PDE4B: variants seen among roughly 807,000 people sequenced by gnomAD.
The protein encoded by PDE4B is 3',5'-cyclic-AMP phosphodiesterase 4B.
A neutral mutation model predicts 82.2 loss-of-function variants in PDE4B; 20 were observed. That is an observed-to-expected ratio of 0.24 (90% CI 0.17 to 0.35). The LOEUF is 0.35. PDE4B is among the 10% of genes least tolerant of loss of function. The pLI is 1.00. For synonymous variants in PDE4B, 320 were observed against 318.9 expected (o/e 1.00, Z -0.04); for missense variants, 655 against 907.2 (o/e 0.72, Z 3.57).
intron 3 of PDE4B, among the ~76,000 whole-genome samples, chr1:66,170,093 A>G (rs1281816848): frequency 6.6e-6 from 1 of 152,206 alleles, no homozygotes; most frequent in Non-Finnish European, 1.5e-5. Flanking sequence ...AGATAATGAA[A>G]ATGAACTAAG....
intron 1 of PDE4B, among the ~76,000 whole-genome samples, chr1:65,887,293 C>T (rs1391382408): frequency 1.8e-4 from 19 of 102,982 alleles, no homozygotes; most frequent in African/African-American, 6.8e-4. Flanking sequence ...TTCTTTCTCT[C>T]TCTCTCTTTC....
chr1:65,868,949 T>C (rs1311009737), intron 1 of PDE4B, among the ~76,000 whole-genome samples: 1 of 152,042 alleles, frequency 6.6e-6, no homozygotes, highest in Admixed American at 6.6e-5. Flanking sequence ...TGTGGAAAAA[T>C]TGTCTTCCAC....
chr1:66,303,662 A>G (rs1658066167), intron 7 of PDE4B, among the ~76,000 whole-genome samples: 1 of 152,108 alleles, frequency 6.6e-6, no homozygotes, highest in South Asian at 2.1e-4. Flanking sequence ...ATTTGCATAA[A>G]ATGTTAGATC....
intron 3 of PDE4B, among the ~76,000 whole-genome samples, chr1:65,968,252 G>T (rs1649952931): frequency 6.6e-6 from 1 of 152,116 alleles, no homozygotes; most frequent in Admixed American, 6.6e-5. Flanking sequence ...GATTGGACTA[G>T]ATTAACTCTA....
chr1:66,362,075 C>T (rs757815658), intron 10 of PDE4B, among the ~76,000 whole-genome samples: 19 of 151,934 alleles, frequency 1.3e-4, no homozygotes, highest in Non-Finnish European at 2.5e-4. Context: ...GATGGAAGAT[C>T]CTTTTTCCAT....
chr1:66,323,355 T>G (rs1014729874), intron 7 of PDE4B, among the ~76,000 whole-genome samples: 2 of 152,200 alleles, frequency 1.3e-5, no homozygotes, highest in African/African-American at 4.8e-5. Flanking sequence ...TTTTCAGATT[T>G]TGGGTCCCTG....
At chr1:65,940,461 T>A (rs1428995100) in intron 3 of PDE4B, among the ~76,000 whole-genome samples, 3 of 152,148 alleles carry the variant, frequency 2.0e-5, no homozygotes, top group Non-Finnish European at 2.9e-5. Flanking sequence ...TTATTTGACT[T>A]TAAAAAAATA....
At chr1:65,964,114 GA>G (rs1649690728) in intron 3 of PDE4B, among the ~76,000 whole-genome samples, 1 of 151,946 alleles carries the variant, frequency 6.6e-6, no homozygotes, top group Non-Finnish European at 1.5e-5. Flanking sequence ...CTTACACTGA[GA>G]AAAAAATTTA....
intron 9 of PDE4B, among the ~76,000 whole-genome samples, chr1:66,357,166 G>A (rs949671946): frequency 1.1e-4 from 17 of 152,124 alleles, no homozygotes; most frequent in African/African-American, 2.7e-4. Flanking sequence ...TTTAAAATAC[G>A]AGGGCTTGAA....
chr1:66,167,621 A>G (rs562663469), intron 3 of PDE4B, among the ~76,000 whole-genome samples: 3 of 152,344 alleles, frequency 2.0e-5, no homozygotes, highest in African/African-American at 7.2e-5. Flanking sequence ...ACAGCATATG[A>G]ATTGTATCTT....
chr1:66,159,304 G>T (rs923432423), intron 3 of PDE4B, among the ~76,000 whole-genome samples: 2 of 150,994 alleles, frequency 1.3e-5, no homozygotes, highest in Non-Finnish European at 2.9e-5. Flanking sequence ...GTGTAGTGGC[G>T]CATTCTTGGC....
At chr1:66,052,479 C>T (rs115436833) in intron 3 of PDE4B, among the ~76,000 whole-genome samples, 1 of 151,828 alleles carries the variant, frequency 6.6e-6, no homozygotes, top group South Asian at 2.1e-4. Flanking sequence ...GCTAAGAGGA[C>T]TCTTTCAAGG....
chr1:65,881,713 T>A (rs527263549), intron 1 of PDE4B, among the ~76,000 whole-genome samples: 1 of 152,334 alleles, frequency 6.6e-6, no homozygotes, highest in South Asian at 2.1e-4. Context: ...TATACTCTTA[T>A]GCTAATCTGT....
At chr1:65,901,201 T>C (rs1557806962) in intron 1 of PDE4B, among the ~76,000 whole-genome samples, 1 of 152,108 alleles carries the variant, frequency 6.6e-6, no homozygotes, top group Non-Finnish European at 1.5e-5. Flanking sequence ...TTCTGCATCA[T>C]TGAAATGATT....
chr1:66,055,286 C>A lies in PDE4B; in HGVS notation c.281+136451C>A, dbSNP rs140511156. Among the ~76,000 whole-genome samples the A allele has an allele frequency of 5.7e-3, 874 of 152,280 alleles. 9 individuals are homozygous for A. The highest frequency in any genetic ancestry group is 9.8e-3 in the Non-Finnish European group (664 of 68,022). On this transcript the variant is annotated intron_variant, in intron 3 of 16. Transcript: ENST00000341517. ...CTTTGCATTGTAAAGAGCATGTTTGCGTAACGCTTATCAGGTGAGTTACTT... is the reference window on the plus strand; with the variant it reads ...CTTTGCATTGTAAAGAGCATGTTTGAGTAACGCTTATCAGGTGAGTTACTT...
At chr1:66,003,655 A>G (rs1168072963) in intron 3 of PDE4B, among the ~76,000 whole-genome samples, 1 of 152,190 alleles carries the variant, frequency 6.6e-6, no homozygotes, top group Non-Finnish European at 1.5e-5. Flanking sequence ...GGATCTGAGC[A>G]TGCTTCTGTG....
chr1:66,136,552 A>G (rs1646059562), intron 3 of PDE4B, among the ~76,000 whole-genome samples: 1 of 151,952 alleles, frequency 6.6e-6, no homozygotes, highest in South Asian at 2.1e-4. Context: ...TCTACTAAAA[A>G]TACAAAAATT....
chr1:66,245,249 C>T (rs2101668987), intron 3 of PDE4B, among the ~76,000 whole-genome samples: 1 of 152,252 alleles, frequency 6.6e-6, no homozygotes, highest in Admixed American at 6.5e-5. Context: ...TGGATGGATG[C>T]TAACAGTTTT....
At chr1:66,154,793 A>G (rs2101217877) in intron 3 of PDE4B, among the ~76,000 whole-genome samples, 1 of 152,326 alleles carries the variant, frequency 6.6e-6, no homozygotes, top group Middle Eastern at 3.4e-3. Flanking sequence ...TGCTCAAGGA[A>G]TATGCTTGTA....
Sources: allele counts gnomAD v4.1 joint callset (sites outside exome capture counted in the v4.1 genomes callset), GRCh38; gene constraint gnomAD v4.1.1; transcripts MANE v1.5; gene names NCBI Gene and HGNC (gene_info 2026-07-23, HGNC 2026-07-21).